The following PREX2 variants were observed in gnomAD, a reference collection of about 807,000 sequenced individuals.
PREX2 encodes the protein phosphatidylinositol-3,4,5-trisphosphate dependent Rac exchange factor 2.
Under a neutral mutation model 203.2 loss-of-function variants are expected in PREX2, and 107 were observed. That is an observed-to-expected ratio of 0.53 (90% CI 0.45 to 0.62). PREX2 has a LOEUF of 0.62. PREX2 is among the 20% of genes least tolerant of loss of function. The probability of loss-of-function intolerance (pLI) is 0.00; values close to 1 mark genes in which losing one functional copy is unlikely to be tolerated. For missense variants in PREX2, 1,777 were observed against 1,955.9 expected (o/e 0.91, Z 1.72); for synonymous variants, 672 against 663.6 (o/e 1.01, Z -0.19).
intron 35 of PREX2, among the ~76,000 whole-genome samples, chr8:68,169,360 A>C (rs1422661120): frequency 6.6e-6 from 1 of 152,008 alleles, no homozygotes; most frequent in Non-Finnish European, 1.5e-5. Context: ...TGGACAAGCA[A>C]AGTCAATGAA....
intron 8 of PREX2, among the ~76,000 whole-genome samples, chr8:68,047,469 T>A (rs976187480): frequency 8.5e-6 from 1 of 117,630 alleles, no homozygotes; most frequent in Non-Finnish European, 1.7e-5. Context: ...ATGGATGAAT[T>A]TATATATATA....
chr8:67,975,723 A>C (rs1806062527), intron 1 of PREX2, among the ~76,000 whole-genome samples: 1 of 19,956 alleles, frequency 5.0e-5, no homozygotes, highest in Admixed American at 5.6e-4. Flanking sequence ...TTTTTTTTTG[A>C]GATGGAGTCT....
At chr8:68,190,856 T>C (rs1156247566) in intron 35 of PREX2, among the ~76,000 whole-genome samples, 1 of 151,876 alleles carries the variant, frequency 6.6e-6, no homozygotes, top group East Asian at 1.9e-4. Flanking sequence ...CTATTTTATC[T>C]CCATAGATGA....
chr8:68,066,188 G>T (rs1255587193), intron 11 of PREX2, among the ~76,000 whole-genome samples: 1 of 152,088 alleles, frequency 6.6e-6, no homozygotes, highest in Non-Finnish European at 1.5e-5. Context: ...GAACATGGGG[G>T]TACAGATATC....
At chr8:68,142,525 A>T (rs1009784474) in intron 33 of PREX2, among the ~76,000 whole-genome samples, 1 of 152,170 alleles carries the variant, frequency 6.6e-6, no homozygotes, top group African/African-American at 2.4e-5. Context: ...ACCACAGTTT[A>T]TCCATTCAAA....
chr8:68,061,760 C>T (rs1808863036), intron 11 of PREX2, among the ~76,000 whole-genome samples: 1 of 152,076 alleles, frequency 6.6e-6, no homozygotes, highest in Non-Finnish European at 1.5e-5. Flanking sequence ...GAGTGGCCAG[C>T]AAGCGGTTGA....
intron 10 of PREX2, among the ~76,000 whole-genome samples, chr8:68,058,923 T>C (rs1808761084): frequency 6.6e-6 from 1 of 152,176 alleles, no homozygotes. Context: ...TTCTTCTGAA[T>C]TTGTTATGCA....
chr8:68,179,731 C>T (rs1418587424), intron 35 of PREX2, among the ~76,000 whole-genome samples: 1 of 152,094 alleles, frequency 6.6e-6, no homozygotes, highest in Non-Finnish European at 1.5e-5. Context: ...TTAATAGATG[C>T]TCAAAATATA....
intron 27 of PREX2, among the ~76,000 whole-genome samples, chr8:68,119,043 T>A (rs1398147132): frequency 6.6e-6 from 1 of 152,188 alleles, no homozygotes; most frequent in African/African-American, 2.4e-5. Flanking sequence ...TGTTGAGGAT[T>A]GAGGGTAATG....
intron 38 of PREX2, among the ~76,000 whole-genome samples, chr8:68,218,990 A>G (rs74404153): frequency 0.079 from 12,048 of 152,242 alleles, 900 homozygotes; most frequent in East Asian, 0.3. Flanking sequence ...TAAAAAGTAG[A>G]TCCAGGTAAA....
At chr8:67,975,288 T>TTTTTTG (rs1275874215) in intron 1 of PREX2, among the ~76,000 whole-genome samples, 1 of 147,316 alleles carries the variant, frequency 6.8e-6, no homozygotes, top group Non-Finnish European at 1.5e-5. Context: ...TTTTTTTTTT[T>TTTTTTG]TTTTTTTTTT....
At chr8:68,003,809 T>G (rs1330767219) in intron 1 of PREX2, among the ~76,000 whole-genome samples, 1 of 151,350 alleles carries the variant, frequency 6.6e-6, no homozygotes, top group East Asian at 1.9e-4. Context: ...TTGGTTCCTA[T>G]ATCAGCCTCC....
At chr8:68,214,542 T>C (rs1812798441) in intron 37 of PREX2, among the ~76,000 whole-genome samples, 1 of 152,166 alleles carries the variant, frequency 6.6e-6, no homozygotes, top group Non-Finnish European at 1.5e-5. Context: ...TAAACCTGAC[T>C]CTGAGTATAT....
intron 11 of PREX2, among the ~76,000 whole-genome samples, chr8:68,068,684 A>C (rs7002771): frequency 0.24 from 37,216 of 152,036 alleles, 4,919 homozygotes; most frequent in Middle Eastern, 0.35. Context: ...GTGAAGAAAC[A>C]GAAAACACAA....
rs181993117 is a variant in PREX2 at position 68,216,842 on chromosome 8, G to C, written c.4605-774G>C. Among the ~76,000 whole-genome samples, 18 of 152,044 alleles carry C rather than the reference G, an allele frequency of 1.2e-4. No individual in the cohort carries two copies. In the East Asian group the frequency reaches 3.5e-3, roughly 29 times the overall value. ...GTGGTGGCATGCACCTGTAATCCCA[G>C]CTACTGCTACTTGGGAGACTGAGGC... On this transcript the variant is annotated intron_variant, in intron 37 of 39. Transcript: ENST00000288368.
intron 8 of PREX2, among the ~76,000 whole-genome samples, chr8:68,049,544 A>G (rs1005383043): frequency 6.6e-6 from 1 of 152,090 alleles, no homozygotes; most frequent in African/African-American, 2.4e-5. Flanking sequence ...GGAATTTGCA[A>G]ACTGTATAGC....
intron 30 of PREX2, among the ~76,000 whole-genome samples, chr8:68,122,923 A>AT (rs1445757752): frequency 6.6e-6 from 1 of 152,050 alleles, no homozygotes; most frequent in Non-Finnish European, 1.5e-5. Context: ...TTTATGTCTG[A>AT]TTATGTCATC....
chr8:68,147,409 TG>T (rs1164622932), intron 34 of PREX2, among the ~76,000 whole-genome samples: 1 of 152,090 alleles, frequency 6.6e-6, no homozygotes, highest in Non-Finnish European at 1.5e-5. Context: ...AATTGAATAA[TG>T]GGGGTGGGTC....
At chr8:68,108,067 ACT>A in intron 23 of PREX2, 40 bp from the exon 24 acceptor site, 1 of 1,357,980 alleles carries the variant, frequency 7.4e-7, no homozygotes, top group Non-Finnish European at 1.0e-6. Context: ...CTGAGTTATT[ACT>A]GTGTGTTCAA....
Sources: allele counts gnomAD v4.1 joint callset (sites outside exome capture counted in the v4.1 genomes callset), GRCh38; gene constraint gnomAD v4.1.1; transcripts MANE v1.5; gene names NCBI Gene and HGNC (gene_info 2026-07-23, HGNC 2026-07-21).